The following ZNF804B variants were observed in gnomAD, a reference collection of about 807,000 sequenced individuals.
The protein encoded by ZNF804B is zinc finger 804B.
A neutral mutation model predicts 101.4 loss-of-function variants in ZNF804B; 80 were observed. That is an observed-to-expected ratio of 0.79 (90% CI 0.66 to 0.95). The LOEUF is 0.95. Among genes scored for constraint, ZNF804B ranks in the 40% least tolerant of loss-of-function variants. The probability of loss-of-function intolerance (pLI) is 0.00; values close to 1 mark genes in which losing one functional copy is unlikely to be tolerated. For synonymous variants in ZNF804B, 622 were observed against 558.8 expected (o/e 1.11, Z -1.59); for missense variants, 1,673 against 1,561.9 (o/e 1.07, Z -1.20).
chr7:89,076,547 C>T (rs1377866837), intron 1 of ZNF804B, among the ~76,000 whole-genome samples: 3 of 152,012 alleles, frequency 2.0e-5, no homozygotes, highest in Admixed American at 1.3e-4. Flanking sequence ...TGAAAATGGA[C>T]TAATACAATC....
chr7:88,790,703 T>C (rs935780149), intron 1 of ZNF804B, among the ~76,000 whole-genome samples: 1 of 152,076 alleles, frequency 6.6e-6, no homozygotes, highest in African/African-American at 2.4e-5. Flanking sequence ...CTGATGGGCA[T>C]TTGAGTTGAT....
At chr7:89,184,140 C>T (rs1042661096) in intron 1 of ZNF804B, among the ~76,000 whole-genome samples, 3 of 152,140 alleles carry the variant, frequency 2.0e-5, no homozygotes, top group African/African-American at 7.2e-5. Context: ...CCTACTTGAG[C>T]ATTGACACTG....
intron 1 of ZNF804B, among the ~76,000 whole-genome samples, chr7:88,857,390 A>T (rs1791577976): frequency 6.6e-6 from 1 of 152,200 alleles, no homozygotes; most frequent in African/African-American, 2.4e-5. Flanking sequence ...AAGAAAAGAG[A>T]GAAGAATCAA....
At chr7:89,321,555 G>A (rs563705437) in intron 2 of ZNF804B, among the ~76,000 whole-genome samples, 10 of 151,996 alleles carry the variant, frequency 6.6e-5, no homozygotes, top group South Asian at 2.1e-4. Context: ...ATAGGTAGAC[G>A]TAACTAAATA....
chr7:89,191,225 TAA>T (rs1438929266), intron 1 of ZNF804B, among the ~76,000 whole-genome samples: 2 of 152,270 alleles, frequency 1.3e-5, no homozygotes, highest in South Asian at 4.1e-4. Flanking sequence ...AGTATTCATA[TAA>T]AAGACAAAAT....
At chr7:89,223,544 T>C (rs977558300) in intron 2 of ZNF804B, among the ~76,000 whole-genome samples, 18 of 151,912 alleles carry the variant, frequency 1.2e-4, no homozygotes, top group African/African-American at 4.3e-4. Context: ...GTGATACATA[T>C]ATTTAAATGA....
At chr7:89,032,647 G>A (rs1037023225) in intron 1 of ZNF804B, among the ~76,000 whole-genome samples, 1 of 152,096 alleles carries the variant, frequency 6.6e-6, no homozygotes, top group African/African-American at 2.4e-5. Context: ...CATCATTGGT[G>A]AAGGCACAGG....
intron 2 of ZNF804B, among the ~76,000 whole-genome samples, chr7:89,278,861 A>G (rs1790032439): frequency 6.6e-6 from 1 of 151,950 alleles, no homozygotes; most frequent in Non-Finnish European, 1.5e-5. Flanking sequence ...TATGAACTTT[A>G]AAGTAGTATT....
At chr7:88,982,490 T>C (rs181907883) in intron 1 of ZNF804B, among the ~76,000 whole-genome samples, 4 of 152,246 alleles carry the variant, frequency 2.6e-5, no homozygotes, top group Admixed American at 6.5e-5. Flanking sequence ...TTGGAAGTTT[T>C]ACTTTTAATG....
chr7:88,927,840 A>C (rs1792829030), intron 1 of ZNF804B, among the ~76,000 whole-genome samples: 1 of 152,048 alleles, frequency 6.6e-6, no homozygotes, highest in African/African-American at 2.4e-5. Flanking sequence ...CCTTGTCCTT[A>C]AATTAACATG....
In ZNF804B at chr7:89,335,051, G is replaced by C; in HGVS notation, c.2069G>C (p.Gly690Ala). The stretch of plus-strand genomic sequence containing the variant: ...ATCAGCATGACCAGCAAGGTTTCCG[G>C]ATGTGGAAACCAAAGATACAAGAGA... ...NHISMTSKVS[G>A]CGNQRYKRYS... The change falls in exon 4 of 4, where the codon GGA becomes GCA. Residue 690 changes from glycine (G) to alanine (A), a missense_variant. Transcript: ENST00000333190. The C allele has an allele frequency of 6.2e-7, 1 of 1,613,814 alleles. No homozygotes were observed.
chr7:89,272,790 A>C (rs576501557), intron 2 of ZNF804B, among the ~76,000 whole-genome samples: 4 of 152,190 alleles, frequency 2.6e-5, no homozygotes, highest in Non-Finnish European at 4.4e-5. Context: ...TGTATACACC[A>C]CCTACCATCA....
At chr7:89,050,357 T>G (rs1394452746) in intron 1 of ZNF804B, among the ~76,000 whole-genome samples, 1 of 152,112 alleles carries the variant, frequency 6.6e-6, no homozygotes, top group Non-Finnish European at 1.5e-5. Context: ...TAAATCAATA[T>G]TCATGTGGTC....
intron 1 of ZNF804B, among the ~76,000 whole-genome samples, chr7:88,832,200 G>A (rs1426376588): frequency 6.6e-6 from 1 of 151,050 alleles, no homozygotes; most frequent in Non-Finnish European, 1.5e-5. Flanking sequence ...TTTGTCTAAC[G>A]TACTCTTATG....
At chr7:88,873,933 G>A (rs562555485) in intron 1 of ZNF804B, among the ~76,000 whole-genome samples, 2 of 152,216 alleles carry the variant, frequency 1.3e-5, no homozygotes, top group Admixed American at 1.3e-4. Flanking sequence ...TTTTGGCTTA[G>A]GATTGACTTG....
intron 1 of ZNF804B, among the ~76,000 whole-genome samples, chr7:89,147,785 G>A (rs149052194): frequency 1.5e-3 from 235 of 151,818 alleles, no homozygotes; most frequent in African/African-American, 5.3e-3. Flanking sequence ...AAGCTAGGTT[G>A]TGCGTTCCTT....
chr7:89,294,665 C>G (rs1790350807), intron 2 of ZNF804B, among the ~76,000 whole-genome samples: 1 of 151,748 alleles, frequency 6.6e-6, no homozygotes, highest in Non-Finnish European at 1.5e-5. Flanking sequence ...ATTTTCCTGT[C>G]TCTGTTATTT....
intron 2 of ZNF804B, among the ~76,000 whole-genome samples, chr7:89,315,179 A>C (rs1377998309): frequency 6.6e-6 from 1 of 152,046 alleles, no homozygotes; most frequent in African/African-American, 2.4e-5. Flanking sequence ...GGTGCTACAC[A>C]CTTTTATACA....
At chr7:89,114,117 A>C (rs1005831318) in intron 1 of ZNF804B, among the ~76,000 whole-genome samples, 1 of 152,136 alleles carries the variant, frequency 6.6e-6, no homozygotes, top group African/African-American at 2.4e-5. Context: ...AAAAAATATA[A>C]ATTATTAGTA....
Sources: allele counts gnomAD v4.1 joint callset (sites outside exome capture counted in the v4.1 genomes callset), GRCh38; gene constraint gnomAD v4.1.1; transcripts MANE v1.5; gene names NCBI Gene and HGNC (gene_info 2026-07-23, HGNC 2026-07-21).